Variants in PIANP observed in about 807,000 individuals in gnomAD.
PIANP encodes PILR alpha-associated neural protein.
Under a neutral mutation model 28.9 loss-of-function variants are expected in PIANP, and 14 were observed. The observed-to-expected ratio is 0.49, with a 90% CI of 0.32 to 0.76. The LOEUF is 0.76. Ranked by LOEUF, PIANP falls within the 30% of genes least tolerant of loss-of-function variation. The pLI is 0.03. For synonymous variants in PIANP, 149 were observed against 156.6 expected (o/e 0.95, Z 0.36); for missense variants, 322 against 371.8 (o/e 0.87, Z 1.10).
Position 6,700,152 on chromosome 12 carries a change from C to T in PIANP, c.-44+462G>A, listed in dbSNP as rs140661902. The stretch of plus-strand genomic sequence containing the variant: ...TCACCGACCTGTTGTGCGCAGGAGA[C>T]GAGCTGGGGGTGGGGCAGGAGCCTC... On this transcript the variant is annotated intron_variant, in intron 1 of 4. Transcript: ENST00000534837. This position sits in a 1 kb window ranked among gnomAD's most constrained non-coding sequence, Gnocchi z 5.5. 3,022 of 152,340 alleles carry T rather than the reference C, an allele frequency of 0.02. 37 individuals are homozygous for T. Among genetic ancestry groups the T allele is most frequent in the Non-Finnish European group, 0.03 (2,058 of 68,066 alleles). 9.4% of individuals were successfully genotyped at this position (152,340 alleles called of 1,614,324 possible).
Position 6,696,601 on chromosome 12 carries a change from G to T in PIANP, c.524-77C>A. 1 of 1,033,840 alleles carries T rather than the reference G, an allele frequency of 9.7e-7. No individual in the cohort carries two copies. The allele number at this position is 1,033,840 out of a possible 1,614,324, so 64.0% of individuals were successfully genotyped here. On this transcript the variant is annotated intron_variant, in intron 3 of 4. Transcript: ENST00000534837. This position sits in a 1 kb window ranked among gnomAD's most constrained non-coding sequence, Gnocchi z 4.0. ...AGAGGGGCTGGGGGCTGGGCTGTGG[G>T]CTCTGTCGGCTGGAGTGGCATTGCT...
At chr12:6,693,674 G>A (rs368686222), downstream of PIANP, 14 of 152,548 alleles carry the variant, frequency 9.2e-5, no homozygotes, top group East Asian at 7.7e-4. Flanking sequence ...CCAGGTCAGA[G>A]GAGGGCAGGT....
At position 6,695,486 on chromosome 12, in the gene PIANP, C is replaced by A; in HGVS notation, c.771G>T (p.Gly257=). Residue 257 remains glycine (G), a synonymous_variant, in exon 5 of 5, where the codon GGG becomes GGT. Coordinates refer to ENST00000534837, the MANE Select transcript of PIANP (RefSeq NM_001244014.2). The surrounding 1 kb of genome is among the most constrained non-coding windows in gnomAD (Gnocchi z 4.2). ...TPTPDHEEPR[G]GPRPGMPHPK... is the part of the protein sequence containing the mutation. ...GGTGGGGCATCCCAGGCCGGGGTCCCCCTCGGGGCTCCTCATGGTCAGGGG... is the reference window on the plus strand; with the variant it reads ...GGTGGGGCATCCCAGGCCGGGGTCCACCTCGGGGCTCCTCATGGTCAGGGG... 6.5e-7 allele frequency: 1 copy of A among 1,530,174 alleles called. No individual in the cohort carries two copies. The highest frequency in any genetic ancestry group is 8.8e-7 in the Non-Finnish European group (1 of 1,138,012). 94.8% of individuals were successfully genotyped at this position (1,530,174 alleles called of 1,614,324 possible).
chr12:6,695,134 G>A lies in PIANP; in HGVS notation c.*292C>T. The A allele has an allele frequency of 2.0e-6, 3 of 1,522,608 alleles. No homozygotes were observed. The highest frequency in any genetic ancestry group is 1.4e-5 in the African/African-American group (1 of 72,218). The allele number at this position is 1,522,608 out of a possible 1,614,324, so 94.3% of individuals were successfully genotyped here. On this transcript the variant is annotated 3_prime_UTR_variant, in exon 5 of 5. Transcript: ENST00000534837. This position sits in a 1 kb window ranked among gnomAD's most constrained non-coding sequence, Gnocchi z 4.2. Reference sequence around the variant, plus strand: ...TAGAAGGGGAAGTTCAAGACAAAGAGGGGGAATCAAGGTTAAGAGGGCAGA... The same window carrying A: ...TAGAAGGGGAAGTTCAAGACAAAGAAGGGGAATCAAGGTTAAGAGGGCAGA...
At position 6,698,082 on chromosome 12, in the gene PIANP, G is replaced by C. The variant is rs770262040; in HGVS notation, c.-21C>G. On this transcript the variant is annotated 5_prime_UTR_variant, in exon 2 of 5. Transcript: ENST00000534837. Reference sequence around the variant, plus strand: ...TCCATGTCTGAGGTCTTCCTCAGCTGTGACCCAGATTTTCAGCCTTTACTG... The same window carrying C: ...TCCATGTCTGAGGTCTTCCTCAGCTCTGACCCAGATTTTCAGCCTTTACTG... 2.7e-5 allele frequency: 42 copies of C among 1,563,468 alleles called. No individual in the cohort carries two copies. Among genetic ancestry groups the C allele is most frequent in the Non-Finnish European group, 3.6e-5 (42 of 1,152,516 alleles).
In PIANP at chr12:6,698,048, A is replaced by G. The variant is rs753474516; in HGVS notation, c.14T>C (p.Met5Thr). 1 of 1,563,048 alleles carries G rather than the reference A, an allele frequency of 6.4e-7. No individual in the cohort carries two copies. Among genetic ancestry groups the G allele is most frequent in the South Asian group, 1.2e-5 (1 of 84,972 alleles). Residue 5 changes from methionine (M) to threonine (T), a missense_variant, in exon 2 of 5, where the codon ATG becomes ACG. Transcript: ENST00000534837. MESR[M>T]WPALLLSHLL... ...CCCTCTGCTGGGCCAAACTTACCAC[A>G]TCCTGGACTCCATGTCTGAGGTCTT...
At chr12:6,693,142 G>C (rs1052762689), downstream of PIANP, among the ~76,000 whole-genome samples, 1 of 152,052 alleles carries the variant, frequency 6.6e-6, no homozygotes, top group Middle Eastern at 3.2e-3. Flanking sequence ...AGAAATTGGG[G>C]ACTGAGAGGT....
Position 6,694,697 on chromosome 12 carries a change from A to C in PIANP, c.*729T>G. ...GAGAGTGCAAATGTGAGACGAGAGA[A>C]CATGAGAGTCAGCTGAGCGGAGCGG... On this transcript the variant is annotated 3_prime_UTR_variant, in exon 5 of 5. Coordinates refer to ENST00000534837, the MANE Select transcript of PIANP (RefSeq NM_001244014.2). The surrounding 1 kb of genome is among the most constrained non-coding windows in gnomAD (Gnocchi z 6.1). 3.5e-6 allele frequency: 1 copy of C among 283,026 alleles called. No homozygotes were observed. Among genetic ancestry groups the C allele is most frequent in the Non-Finnish European group, 6.7e-6 (1 of 150,110 alleles). 17.5% of individuals were successfully genotyped at this position (283,026 alleles called of 1,614,324 possible). A position where few individuals can be genotyped will look rare whatever the true frequency, so the allele number is the denominator to read the frequency against.
chr12:6,695,939 A>C lies in PIANP; in HGVS notation c.606-288T>G, dbSNP rs1437222497. Among the ~76,000 whole-genome samples the C allele has an allele frequency of 6.6e-6, 1 of 152,210 alleles. No homozygotes were observed. The highest frequency in any genetic ancestry group is 2.1e-4 in the South Asian group (1 of 4,828). On this transcript the variant is annotated intron_variant, in intron 4 of 4. Transcript: ENST00000534837. The surrounding 1 kb of genome is among the most constrained non-coding windows in gnomAD (Gnocchi z 4.2). Reference sequence around the variant, plus strand: ...CCACCACCACAATGTCCTCTCCCCTACATGCCCAGAAGAGTCATTTCTGTC... The same window carrying C: ...CCACCACCACAATGTCCTCTCCCCTCCATGCCCAGAAGAGTCATTTCTGTC...
Position 6,696,900 on chromosome 12 carries a change from C to T in PIANP, c.524-376G>A, listed in dbSNP as rs1302152053. ...TCCATCAGCACTCCCTGAGCCAAGA[C>T]ATCTCCCGGGTAGTGCCCTTCATTC... On this transcript the variant is annotated intron_variant, in intron 3 of 4. Transcript: ENST00000534837. This position sits in a 1 kb window ranked among gnomAD's most constrained non-coding sequence, Gnocchi z 4.0. Among the ~76,000 whole-genome samples, 3 of 152,192 alleles carry T rather than the reference C, an allele frequency of 2.0e-5. No individual in the cohort carries two copies. Among genetic ancestry groups the T allele is most frequent in the Non-Finnish European group, 4.4e-5 (3 of 68,032 alleles).
rs1959781329 is a variant in PIANP, at chr12:6,694,367, T to G, written c.*1059A>C. The G allele has an allele frequency of 6.6e-6, 1 of 152,644 alleles. No homozygotes were observed. Among genetic ancestry groups the G allele is most frequent in the Non-Finnish European group, 1.5e-5 (1 of 68,108 alleles). The allele number at this position is 152,644 out of a possible 1,614,324, so 9.5% of individuals were successfully genotyped here. ...GAAGTCTGGGGCCTCACTACCCCAT[T>G]CCCAAGGGGGAGCCCTCAGGGTGAT... On this transcript the variant is annotated 3_prime_UTR_variant, in exon 5 of 5. Coordinates refer to ENST00000534837, the MANE Select transcript of PIANP (RefSeq NM_001244014.2). The surrounding 1 kb of genome is among the most constrained non-coding windows in gnomAD (Gnocchi z 6.1).
At position 6,695,573 on chromosome 12, in the gene PIANP, C is replaced by T. The variant is rs1460944921; in HGVS notation, c.684G>A (p.Leu228=). 1 of 1,592,476 alleles carries T rather than the reference C, an allele frequency of 6.3e-7. No homozygotes were observed. The highest frequency in any genetic ancestry group is 1.7e-5 in the Admixed American group (1 of 58,138). ...TGACTCCAGCCGGGGACAGGTCTGT[C>T]AGTGGCTGCTGGCTCTCCTCCTGCC... ...ALRQEESQQP[L]TDLSPAGVTV... The change falls in exon 5 of 5, where the codon CTG becomes CTA. Residue 228 remains leucine (L), a synonymous_variant. Coordinates refer to ENST00000534837, the MANE Select transcript of PIANP (RefSeq NM_001244014.2). The surrounding 1 kb of genome is among the most constrained non-coding windows in gnomAD (Gnocchi z 4.2).
In PIANP at chr12:6,694,993, GC is replaced by G. The variant is rs1959804269; in HGVS notation, c.*432del. Reference sequence around the variant, plus strand: ...CCTCAGTGGGATGGGGGCTGTGCCGGCCCCTTGGCCTCCTGCTTGGCTGCAC... The same window carrying G: ...CCTCAGTGGGATGGGGGCTGTGCCGGCCCTTGGCCTCCTGCTTGGCTGCAC... On this transcript the variant is annotated 3_prime_UTR_variant, in exon 5 of 5. Transcript: ENST00000534837. This position sits in a 1 kb window ranked among gnomAD's most constrained non-coding sequence, Gnocchi z 6.1. 6.5e-7 allele frequency: 1 copy of G among 1,539,926 alleles called. No homozygotes were observed. Among genetic ancestry groups the G allele is most frequent in the Admixed American group, 2.0e-5 (1 of 49,896 alleles).
rs1323408247 is a variant in PIANP, at chr12:6,696,498, T to G, written c.550A>C (p.Ile184Leu). ...AGAACAATGATGATGGAGATGGTAA[T>G]TGTGACATAGAGCTGGGGGTCCACA... ...EGVDPQLYVT[I>L]TISIIIVLVA... The change falls in exon 4 of 5, where the codon ATT becomes CTT. Residue 184 changes from isoleucine (I) to leucine (L), a missense_variant. By Grantham distance (5) the Ile-to-Leu change is conservative (BLOSUM62 2). Transcript: ENST00000534837. The surrounding 1 kb of genome is among the most constrained non-coding windows in gnomAD (Gnocchi z 4.0). The G allele has an allele frequency of 6.2e-7, 1 of 1,602,608 alleles. No homozygotes were observed. The highest frequency in any genetic ancestry group is 8.5e-7 in the Non-Finnish European group (1 of 1,175,068).
In PIANP at chr12:6,697,611, G is replaced by C; in HGVS notation, c.199C>G (p.Pro67Ala). 1 of 1,570,318 alleles carries C rather than the reference G, an allele frequency of 6.4e-7. No individual in the cohort carries two copies. The highest frequency in any genetic ancestry group is 8.6e-7 in the Non-Finnish European group (1 of 1,157,834). Residue 67 changes from proline to alanine, a missense_variant, in exon 3 of 5, where the codon CCA (proline) becomes GCA (alanine). Transcript: ENST00000534837. This position sits in a 1 kb window ranked among gnomAD's most constrained non-coding sequence, Gnocchi z 6.9. ...CTTGGGACCCGAGGAGATCGGCTTG[G>C]TGGAGGTGCTCGCTCCCACACGCAC... is the stretch of plus-strand genomic sequence containing the variant. ...HVCVWERAPP[P>A]SRSPRVPRSR...
chr12:6,698,959 A>G (rs1398406889), intron 1 of PIANP, among the ~76,000 whole-genome samples: 3 of 152,178 alleles, frequency 2.0e-5, no homozygotes, highest in African/African-American at 7.2e-5. Flanking sequence ...AATCTGCCCA[A>G]TGGGCCAGAC....
chr12:6,697,662 C>T lies in PIANP; in HGVS notation c.148G>A (p.Gly50Arg), dbSNP rs1439079182. The T allele has an allele frequency of 1.3e-6, 2 of 1,557,366 alleles. No homozygotes were observed. Residue 50 changes from glycine (G) to arginine (R), a missense_variant, in exon 3 of 5, where the codon GGA becomes AGA. Physicochemically the swap from Gly to Arg is moderately radical, Grantham distance 125. Coordinates refer to ENST00000534837, the MANE Select transcript of PIANP (RefSeq NM_001244014.2). The surrounding 1 kb of genome is among the most constrained non-coding windows in gnomAD (Gnocchi z 6.9). ...PAPARPPCAR[G>R]GPSAPRHVCV... ...ACATGACGTGGGGCCGAGGGGCCTC[C>T]CCTGGCACACGGGGGGCGGGCTGGG...
Position 6,694,883 on chromosome 12 carries a change from C to T in PIANP, c.*543G>A, listed in dbSNP as rs564189797. 291 of 929,978 alleles carry T rather than the reference C, an allele frequency of 3.1e-4. 1 individual carries two copies. Among genetic ancestry groups the T allele is most frequent in the South Asian group, 1.2e-3 (50 of 40,686 alleles). The allele number at this position is 929,978 out of a possible 1,614,324, so 57.6% of individuals were successfully genotyped here. On this transcript the variant is annotated 3_prime_UTR_variant, in exon 5 of 5. Coordinates refer to ENST00000534837, the MANE Select transcript of PIANP (RefSeq NM_001244014.2). The surrounding 1 kb of genome is among the most constrained non-coding windows in gnomAD (Gnocchi z 6.1). ...AGGAGGGCGAGCAGATAGGATTGCC[C>T]GTGGGGCTGGGGAGTGTTCCGGGTG...
chr12:6,695,973 A>C lies in PIANP; in HGVS notation c.606-322T>G, dbSNP rs1959851351. Among the ~76,000 whole-genome samples the C allele has an allele frequency of 2.6e-5, 4 of 152,182 alleles. No individual in the cohort carries two copies. In the South Asian group the frequency reaches 8.3e-4, roughly 31 times the overall value. ...GAAGAGTCATTTCTGTCTTCAGCAGACAACTGGCAGGTTTAGTTCTAGTTC... is the reference window on the plus strand; with the variant it reads ...GAAGAGTCATTTCTGTCTTCAGCAGCCAACTGGCAGGTTTAGTTCTAGTTC... On this transcript the variant is annotated intron_variant, in intron 4 of 4. Coordinates refer to ENST00000534837, the MANE Select transcript of PIANP (RefSeq NM_001244014.2). The surrounding 1 kb of genome is among the most constrained non-coding windows in gnomAD (Gnocchi z 4.2).
Sources: gnomAD v4.1 joint callset for allele counts (sites outside exome capture counted in the v4.1 genomes callset) on GRCh38, gnomAD v4.1.1 for gene constraint, Gnocchi (gnomAD v3.1) non-coding constraint, MANE v1.5 for transcripts, NCBI Gene and HGNC (gene_info 2026-07-23, HGNC 2026-07-21) for gene names.